The following ZNF605 variants were observed in gnomAD, a reference collection of about 807,000 sequenced individuals.
ZNF605 encodes zinc finger protein 605.
A neutral mutation model predicts 7.9 loss-of-function variants in ZNF605; 9 were observed. The observed-to-expected ratio is 1.14, with a 90% CI of 0.68 to 1.98. The LOEUF (loss-of-function observed/expected upper bound fraction) is 1.98. ZNF605 is among the 30% of genes most tolerant of loss of function. The pLI is 0.00. For synonymous variants in ZNF605, 255 were observed against 260.1 expected, an observed-to-expected ratio of 0.98 and a Z score of 0.19; for missense variants, 673 against 762.4, an observed-to-expected ratio of 0.88 and a Z score of 1.38.
In ZNF605 at chr12:132,933,663, A is replaced by C. The variant is rs890669825; in HGVS notation, c.16-508T>G. ...CAATGTTTGTTGTTTTCAGCCCTTG[A>C]GGTTTGGGGTAATTTGTGACACAAT... On this transcript the variant is annotated intron_variant, in intron 3 of 4. Transcript: ENST00000360187. This position sits in a 1 kb window ranked among gnomAD's most constrained non-coding sequence, Gnocchi z 4.4. 2.0e-4 allele frequency among the ~76,000 whole-genome samples: 31 copies of C among 152,238 alleles called. No individual in the cohort carries two copies. The highest frequency in any genetic ancestry group is 7.5e-4 in the African/African-American group (31 of 41,468).
chr12:132,950,300 A>C (rs1029429800), intron 1 of ZNF605, among the ~76,000 whole-genome samples: 30 of 152,280 alleles, frequency 2.0e-4, no homozygotes, highest in Non-Finnish European at 3.2e-4. Context: ...CAGAATCCTG[A>C]GTATTTAATC....
At chr12:132,938,020 G>T (rs1278492) in intron 3 of ZNF605, among the ~76,000 whole-genome samples, 4 of 152,012 alleles carry the variant, frequency 2.6e-5, no homozygotes, top group South Asian at 2.1e-4. Context: ...TCGCTCTGTC[G>T]CCCAGGCTGG....
intron 3 of ZNF605, among the ~76,000 whole-genome samples, chr12:132,938,571 T>A (rs1278080045): frequency 6.6e-6 from 1 of 152,062 alleles, no homozygotes; most frequent in Non-Finnish European, 1.5e-5. Context: ...GAAGTGCTGG[T>A]GAGAGGTGAC....
At position 132,941,382 on chromosome 12, in the gene ZNF605, G is replaced by C. The variant is rs1156990076; in HGVS notation, c.15+4239C>G. ...TCGGCCATGACATTCTCGGCAGGTAGATCAATGTTTCGCTGTTTCCTTGTG... is the reference window on the plus strand; with the variant it reads ...TCGGCCATGACATTCTCGGCAGGTACATCAATGTTTCGCTGTTTCCTTGTG... On this transcript the variant is annotated intron_variant, in intron 3 of 4. Transcript: ENST00000360187. The surrounding 1 kb of genome is among the most constrained non-coding windows in gnomAD (Gnocchi z 5.1). 6.6e-6 allele frequency among the ~76,000 whole-genome samples: 1 copy of C among 152,186 alleles called. No individual in the cohort carries two copies. Among genetic ancestry groups the C allele is most frequent in the Non-Finnish European group, 1.5e-5 (1 of 68,042 alleles).
At chr12:132,950,720 T>G (rs1027756770) in intron 1 of ZNF605, among the ~76,000 whole-genome samples, 4 of 146,952 alleles carry the variant, frequency 2.7e-5, no homozygotes, top group African/African-American at 4.9e-5. Flanking sequence ...CACTCACAGA[T>G]ATGTACATCA....
intron 2 of ZNF605, among the ~76,000 whole-genome samples, chr12:132,946,066 C>T (rs1173572371): frequency 1.3e-5 from 2 of 152,134 alleles, no homozygotes; most frequent in Non-Finnish European, 2.9e-5. Context: ...GGAAACCACT[C>T]CCCTGGCTGG....
chr12:132,954,250 G>C (rs1240368443), intron 1 of ZNF605, among the ~76,000 whole-genome samples: 2 of 147,920 alleles, frequency 1.4e-5, no homozygotes, highest in African/African-American at 2.5e-5. Flanking sequence ...CACCCCCAAA[G>C]CCCCACTTAA....
Position 132,945,216 on chromosome 12 carries a change from G to A in ZNF605, c.15+405C>T, listed in dbSNP as rs1320018275. The A allele has an allele frequency of 2.8e-5, 17 of 597,488 alleles. No homozygotes were observed. The East Asian group carries it at 3.1e-4, about 11-fold the overall frequency. 37.0% of individuals were successfully genotyped at this position (597,488 alleles called of 1,614,324 possible). On this transcript the variant is annotated intron_variant, in intron 3 of 4. Transcript: ENST00000360187. ...TGACCTCAAATGATCTGCCCTCCTCGGCCTCCCAAAGGGCTGGGATTACAG... is the reference window on the plus strand; with the variant it reads ...TGACCTCAAATGATCTGCCCTCCTCAGCCTCCCAAAGGGCTGGGATTACAG...
In ZNF605 at chr12:132,925,358, C is replaced by G. The variant is rs374350766; in HGVS notation, c.*15G>C. 3.4e-5 allele frequency: 52 copies of G among 1,547,088 alleles called. No individual in the cohort carries two copies. In the African/African-American group the frequency reaches 5.9e-4, roughly 18 times the overall value. ...CTTGATAGCAACCTTTCTGCATTCG[C>G]CAAAGTCATGATTTTTATATTATAT... On this transcript the variant is annotated 3_prime_UTR_variant, in exon 5 of 5. Transcript: ENST00000360187.
chr12:132,924,980 T>C lies in ZNF605; in HGVS notation c.*393A>G, dbSNP rs1468100288. ...TCAGTATGAACCTCTGTAGGTATTA[T>C]TCTCAAGTGTACAGTGAGTTGTCCT... On this transcript the variant is annotated 3_prime_UTR_variant, in exon 5 of 5. Coordinates refer to ENST00000360187, the MANE Select transcript of ZNF605 (RefSeq NM_183238.4). 1 of 167,320 alleles carries C rather than the reference T, an allele frequency of 6.0e-6. No homozygotes were observed. The highest frequency in any genetic ancestry group is 1.3e-5 in the Non-Finnish European group (1 of 78,298). The allele number at this position is 167,320 out of a possible 1,614,324, so 10.4% of individuals were successfully genotyped here. A position where few individuals can be genotyped will look rare whatever the true frequency, so the allele number is the denominator to read the frequency against.
At position 132,933,239 on chromosome 12, in the gene ZNF605, G is replaced by A; in HGVS notation, c.16-84C>T. The A allele has an allele frequency of 6.8e-7, 1 of 1,476,958 alleles. No homozygotes were observed. The highest frequency in any genetic ancestry group is 2.1e-5 in the Admixed American group (1 of 47,012). The allele number at this position is 1,476,958 out of a possible 1,614,324, so 91.5% of individuals were successfully genotyped here. On this transcript the variant is annotated intron_variant, in intron 3 of 4. Coordinates refer to ENST00000360187, the MANE Select transcript of ZNF605 (RefSeq NM_183238.4). This position sits in a 1 kb window ranked among gnomAD's most constrained non-coding sequence, Gnocchi z 4.4. The stretch of plus-strand genomic sequence containing the variant: ...CTTTCTTCTGTATTTGTGGTAGGTG[G>A]CCTCTAAGATGGCCCCAGTGACCTC...
intron 1 of ZNF605, among the ~76,000 whole-genome samples, chr12:132,953,347 A>G (rs1472412660): frequency 1.3e-5 from 2 of 152,174 alleles, no homozygotes; most frequent in African/African-American, 4.8e-5. Context: ...GCCCCACAAC[A>G]GCCTCCAGAA....
chr12:132,951,197 C>A (rs1448469865), intron 1 of ZNF605, among the ~76,000 whole-genome samples: 1 of 149,926 alleles, frequency 6.7e-6, no homozygotes, highest in East Asian at 1.9e-4. Flanking sequence ...CATGCACACA[C>A]ACTCAGACAC....
intron 2 of ZNF605, among the ~76,000 whole-genome samples, chr12:132,947,027 T>C (rs1952501337): frequency 2.0e-5 from 3 of 152,150 alleles, no homozygotes; most frequent in African/African-American, 4.8e-5. Context: ...TGGTTTTTTT[T>C]TTGAGGCAGA....
rs1014118133 is a variant in ZNF605 at position 132,946,017 on chromosome 12, G to T, written c.-162-220C>A. Among the ~76,000 whole-genome samples the T allele has an allele frequency of 2.6e-5, 4 of 152,088 alleles. No homozygotes were observed. The East Asian group carries it at 7.7e-4, about 29-fold the overall frequency. ...TCTAGGCCAGGTCTGCAGTACGCACGGAACTGAACAGCCCCGGCTCCACCC... is the reference window on the plus strand; with the variant it reads ...TCTAGGCCAGGTCTGCAGTACGCACTGAACTGAACAGCCCCGGCTCCACCC... On this transcript the variant is annotated intron_variant, in intron 2 of 4. Coordinates refer to ENST00000360187, the MANE Select transcript of ZNF605 (RefSeq NM_183238.4).
chr12:132,929,828 C>A (rs1350472636), intron 4 of ZNF605, among the ~76,000 whole-genome samples: 1 of 152,082 alleles, frequency 6.6e-6, no homozygotes, highest in Non-Finnish European at 1.5e-5. Context: ...GCCTGTAATC[C>A]CAGATACTTG....
rs1299106064 is a variant in ZNF605, at chr12:132,920,461, C to T, written c.*4912G>A. ...GCCTGGTTTATTTAATGTTAGCATT[C>T]TGACAAGATGTTAAATGACCCGGAT... On this transcript the variant is annotated 3_prime_UTR_variant, in exon 5 of 5. Transcript: ENST00000360187. 1.3e-5 allele frequency: 2 copies of T among 152,138 alleles called. No homozygotes were observed. Among genetic ancestry groups the T allele is most frequent in the African/African-American group, 4.8e-5 (2 of 41,416 alleles). 9.4% of individuals were successfully genotyped at this position (152,138 alleles called of 1,614,324 possible).
intron 1 of ZNF605, among the ~76,000 whole-genome samples, chr12:132,955,711 C>G (rs1952629916): frequency 6.6e-6 from 1 of 152,048 alleles, no homozygotes; most frequent in South Asian, 2.1e-4. Context: ...CCCTCCAACG[C>G]AGGCCCCCGC....
Position 132,945,748 on chromosome 12 carries a change from G to A in ZNF605, c.-113C>T. ...TGAGAATACATCCTTGGTCTTGTGG[G>A]CTCTTCTTTCTTATCTCACATGAAT... On this transcript the variant is annotated 5_prime_UTR_variant, in exon 3 of 5. Transcript: ENST00000360187. The A allele has an allele frequency of 5.4e-6, 8 of 1,479,050 alleles. No homozygotes were observed. The highest frequency in any genetic ancestry group is 7.6e-6 in the Non-Finnish European group (8 of 1,057,770). The allele number at this position is 1,479,050 out of a possible 1,614,324, so 91.6% of individuals were successfully genotyped here.
Sources: allele counts gnomAD v4.1 joint callset (sites outside exome capture counted in the v4.1 genomes callset), GRCh38; gene constraint gnomAD v4.1.1; non-coding constraint Gnocchi (gnomAD v3.1); transcripts MANE v1.5; gene names NCBI Gene and HGNC (gene_info 2026-07-23, HGNC 2026-07-21).